Variants in SDK1 observed in about 807,000 individuals in gnomAD.
The protein encoded by SDK1 is protein sidekick-1.
A neutral mutation model predicts 245.5 loss-of-function variants in SDK1; 157 were observed. That is an observed-to-expected ratio of 0.64 (90% CI 0.56 to 0.73). The LOEUF (loss-of-function observed/expected upper bound fraction) is 0.73. Among genes scored for constraint, SDK1 ranks in the 30% least tolerant of loss-of-function variants. The probability of loss-of-function intolerance (pLI) is 0.00; values close to 1 mark genes in which losing one functional copy is unlikely to be tolerated. For synonymous variants in SDK1, 1,647 were observed against 1,278.5 expected, an observed-to-expected ratio of 1.29 and a Z score of -6.15; for missense variants, 3,583 against 3,002.3, an observed-to-expected ratio of 1.19 and a Z score of -4.52.
intron 19 of SDK1, among the ~76,000 whole-genome samples, chr7:4,054,660 A>G (rs1583963779): frequency 6.6e-6 from 1 of 152,110 alleles, no homozygotes; most frequent in Non-Finnish European, 1.5e-5. Context: ...TTCTAGTACT[A>G]TGCTGAATAA....
chr7:3,329,468 C>T (rs1161239413), intron 1 of SDK1, among the ~76,000 whole-genome samples: 2 of 152,124 alleles, frequency 1.3e-5, no homozygotes, highest in African/African-American at 4.8e-5. Flanking sequence ...TCTCAGTAGT[C>T]AATTTCAGAG....
chr7:3,478,940 A>G (rs1417523387), intron 1 of SDK1, among the ~76,000 whole-genome samples: 5 of 152,146 alleles, frequency 3.3e-5, no homozygotes, highest in African/African-American at 1.2e-4. Flanking sequence ...TCAGTGGATT[A>G]TTTAGAAATG....
chr7:3,462,530 C>A (rs1019624384), intron 1 of SDK1, among the ~76,000 whole-genome samples: 3 of 152,094 alleles, frequency 2.0e-5, no homozygotes, highest in Non-Finnish European at 4.4e-5. Context: ...ATCTGAGCTC[C>A]CATCACGTCT....
chr7:3,581,858 A>G (rs562796389), intron 1 of SDK1, among the ~76,000 whole-genome samples: 1 of 152,226 alleles, frequency 6.6e-6, no homozygotes, highest in Non-Finnish European at 1.5e-5. Flanking sequence ...GACATGGGTG[A>G]AGCTGGAGGC....
intron 19 of SDK1, among the ~76,000 whole-genome samples, chr7:4,057,363 G>A (rs980118045): frequency 6.6e-6 from 1 of 152,022 alleles, no homozygotes; most frequent in Non-Finnish European, 1.5e-5. Context: ...CCTGAAGTCG[G>A]GCCCACCCAA....
chr7:3,673,591 G>C (rs1228111150), intron 4 of SDK1, among the ~76,000 whole-genome samples: 1 of 152,216 alleles, frequency 6.6e-6, no homozygotes, highest in Admixed American at 6.5e-5. Context: ...CCTTGGTATA[G>C]ACTTACCCCT....
chr7:3,806,003 C>G (rs184417974), intron 4 of SDK1, among the ~76,000 whole-genome samples: 1 of 151,832 alleles, frequency 6.6e-6, no homozygotes, highest in African/African-American at 2.4e-5. Context: ...TGTTCCTCCT[C>G]CTATAGATCT....
chr7:3,572,196 C>T (rs1442424135), intron 1 of SDK1, among the ~76,000 whole-genome samples: 1 of 151,998 alleles, frequency 6.6e-6, no homozygotes, highest in Non-Finnish European at 1.5e-5. Flanking sequence ...GTAGTTTCTA[C>T]CTGGAAGTAA....
At chr7:4,222,443 C>T (rs1020976805) in intron 40 of SDK1, among the ~76,000 whole-genome samples, 5 of 152,044 alleles carry the variant, frequency 3.3e-5, no homozygotes, top group East Asian at 1.9e-4. Flanking sequence ...TACAGGCACC[C>T]GCCATCACGC....
At chr7:4,116,688 A>G (rs1783732902) in intron 25 of SDK1, among the ~76,000 whole-genome samples, 1 of 152,200 alleles carries the variant, frequency 6.6e-6, no homozygotes, top group African/African-American at 2.4e-5. Context: ...TACTCTTCTC[A>G]GAGGGCAGGA....
intron 22 of SDK1, among the ~76,000 whole-genome samples, chr7:4,100,184 TC>T (rs1425356078): frequency 6.6e-6 from 1 of 152,124 alleles, no homozygotes; most frequent in African/African-American, 2.4e-5. Context: ...CGTCCCTGTT[TC>T]CCCTTGAGAG....
intron 38 of SDK1, among the ~76,000 whole-genome samples, chr7:4,214,901 C>T (rs1239695454): frequency 6.6e-6 from 1 of 152,250 alleles, no homozygotes; most frequent in African/African-American, 2.4e-5. Context: ...TGGTCCGGCT[C>T]CAGCCGGGAT....
intron 38 of SDK1, among the ~76,000 whole-genome samples, chr7:4,215,781 C>T (rs1584465008): frequency 6.6e-6 from 1 of 152,162 alleles, no homozygotes; most frequent in Non-Finnish European, 1.5e-5. Context: ...TTACTTGATG[C>T]GTTCTTAGAC....
intron 4 of SDK1, among the ~76,000 whole-genome samples, chr7:3,666,255 T>C (rs1459004006): frequency 1.3e-5 from 2 of 152,218 alleles, no homozygotes; most frequent in African/African-American, 4.8e-5. Context: ...GCATCTGGCC[T>C]TGTCTGTCGG....
intron 1 of SDK1, among the ~76,000 whole-genome samples, chr7:3,419,965 G>C (rs1779492623): frequency 6.6e-6 from 1 of 152,170 alleles, no homozygotes; most frequent in African/African-American, 2.4e-5. Context: ...CTCAGAAGTA[G>C]GTAATAATGA....
At chr7:3,439,148 C>T (rs994455559) in intron 1 of SDK1, among the ~76,000 whole-genome samples, 4 of 152,136 alleles carry the variant, frequency 2.6e-5, no homozygotes, top group Non-Finnish European at 4.4e-5. Context: ...TCACCATGCC[C>T]GGCCCCCCTT....
At chr7:3,566,611 T>G (rs1779928249) in intron 1 of SDK1, among the ~76,000 whole-genome samples, 1 of 151,928 alleles carries the variant, frequency 6.6e-6, no homozygotes, top group Admixed American at 6.6e-5. Context: ...AATGAAGGTA[T>G]CTGTAGACAG....
At chr7:4,175,177 A>G (rs1178548344) in intron 33 of SDK1, among the ~76,000 whole-genome samples, 1 of 152,188 alleles carries the variant, frequency 6.6e-6, no homozygotes, top group Non-Finnish European at 1.5e-5. Flanking sequence ...TGACCCCAGT[A>G]CAGCGCCAGG....
At chr7:3,885,473 T>G (rs1781315598) in intron 5 of SDK1, among the ~76,000 whole-genome samples, 1 of 152,168 alleles carries the variant, frequency 6.6e-6, no homozygotes, top group African/African-American at 2.4e-5. Context: ...ATCCCTGTGC[T>G]TTCGGTACAC....
Sources: gnomAD v4.1 joint callset for allele counts (sites outside exome capture counted in the v4.1 genomes callset) on GRCh38, gnomAD v4.1.1 for gene constraint, MANE v1.5 for transcripts, NCBI Gene and HGNC (gene_info 2026-07-23, HGNC 2026-07-21) for gene names.